CSMD1: variants seen among roughly 807,000 people sequenced by gnomAD.
CSMD1 encodes CUB and Sushi multiple domains 1.
Under a neutral mutation model 417.5 loss-of-function variants are expected in CSMD1, and 213 were observed. That is an observed-to-expected ratio of 0.51 (90% confidence interval 0.46 to 0.57). The LOEUF (loss-of-function observed/expected upper bound fraction) is 0.57. Among genes scored for constraint, CSMD1 ranks in the 20% least tolerant of loss-of-function variants. CSMD1 has a pLI of 0.00. For missense variants in CSMD1, 6,923 were observed against 4,529.7 expected, an observed-to-expected ratio of 1.53 and a Z score of -15.17; for synonymous variants, 2,862 against 1,736.8, an observed-to-expected ratio of 1.65 and a Z score of -16.11.
At chr8:3,869,298 C>T (rs543290153) in intron 5 of CSMD1, among the ~76,000 whole-genome samples, 2 of 152,320 alleles carry the variant, frequency 1.3e-5, no homozygotes, top group South Asian at 2.1e-4. Flanking sequence ...TTCTCCTTCT[C>T]TGCTTCATTT....
intron 3 of CSMD1, among the ~76,000 whole-genome samples, chr8:4,079,233 A>G (rs1046175563): frequency 1.3e-5 from 2 of 152,194 alleles, no homozygotes; most frequent in African/African-American, 4.8e-5. Context: ...AAACAACTGA[A>G]TGAGTAGATA....
intron 1 of CSMD1, among the ~76,000 whole-genome samples, chr8:4,905,232 C>G (rs1168779133): frequency 6.6e-6 from 1 of 152,094 alleles, no homozygotes; most frequent in Admixed American, 6.5e-5. Context: ...GGCATTATCT[C>G]TCCTCCAAGT....
intron 20 of CSMD1, among the ~76,000 whole-genome samples, chr8:3,360,707 T>G (rs971777973): frequency 6.6e-6 from 1 of 152,230 alleles, no homozygotes; most frequent in African/African-American, 2.4e-5. Flanking sequence ...AAAACTATGC[T>G]AATCTTTCTA....
intron 27 of CSMD1, among the ~76,000 whole-genome samples, chr8:3,229,133 C>A (rs535181963): frequency 1.3e-5 from 2 of 152,256 alleles, no homozygotes; most frequent in East Asian, 3.9e-4. Flanking sequence ...CCGCTGTGTA[C>A]ACGACAATAA....
chr8:3,823,357 C>T (rs1361221884), intron 5 of CSMD1, among the ~76,000 whole-genome samples: 3 of 152,064 alleles, frequency 2.0e-5, no homozygotes, highest in African/African-American at 7.2e-5. Flanking sequence ...ATTTTTAATC[C>T]CGGTTGCATT....
intron 5 of CSMD1, among the ~76,000 whole-genome samples, chr8:3,911,858 C>G (rs1808486875): frequency 6.6e-6 from 1 of 152,190 alleles, no homozygotes; most frequent in Non-Finnish European, 1.5e-5. Context: ...GATTCTCCTT[C>G]CCATCTGTGT....
At chr8:3,863,642 G>A (rs934268001) in intron 5 of CSMD1, among the ~76,000 whole-genome samples, 2 of 152,098 alleles carry the variant, frequency 1.3e-5, no homozygotes, top group Non-Finnish European at 2.9e-5. Context: ...GCTACTGTAA[G>A]TTACAAATAT....
intron 26 of CSMD1, among the ~76,000 whole-genome samples, chr8:3,242,201 T>A (rs62504976): frequency 6.6e-6 from 1 of 151,314 alleles, no homozygotes; most frequent in Non-Finnish European, 1.5e-5. Flanking sequence ...AACAGTAAGC[T>A]GGACCAGGTG....
chr8:4,117,821 T>C (rs1267422851), intron 3 of CSMD1, among the ~76,000 whole-genome samples: 2 of 151,938 alleles, frequency 1.3e-5, no homozygotes, highest in Non-Finnish European at 2.9e-5. Flanking sequence ...GGACACCTAG[T>C]TAGAACATCT....
intron 5 of CSMD1, among the ~76,000 whole-genome samples, chr8:3,976,208 G>A (rs1300536058): frequency 2.6e-5 from 4 of 151,524 alleles, no homozygotes; most frequent in Admixed American, 2.6e-4. Flanking sequence ...AATGACATAT[G>A]TACTGGTTTC....
chr8:4,305,949 G>C (rs999159942), intron 3 of CSMD1, among the ~76,000 whole-genome samples: 2 of 152,222 alleles, frequency 1.3e-5, no homozygotes, highest in East Asian at 3.9e-4. Context: ...CTGTATTGCA[G>C]GGTAACTTTC....
At chr8:4,102,044 T>C (rs945958872) in intron 3 of CSMD1, among the ~76,000 whole-genome samples, 1 of 152,202 alleles carries the variant, frequency 6.6e-6, no homozygotes, top group African/African-American at 2.4e-5. Context: ...AAATCCCAAG[T>C]CAGTCTTCTG....
chr8:4,936,885 A>G (rs967509869), intron 1 of CSMD1, among the ~76,000 whole-genome samples: 3 of 152,332 alleles, frequency 2.0e-5, no homozygotes, highest in East Asian at 1.9e-4. Flanking sequence ...TGTTCAAATT[A>G]TTATTTTCTC....
chr8:3,734,119 C>G (rs1211399549), intron 6 of CSMD1, among the ~76,000 whole-genome samples: 2 of 152,132 alleles, frequency 1.3e-5, no homozygotes. Flanking sequence ...TAAATTAATA[C>G]TTAATAAAGA....
intron 2 of CSMD1, among the ~76,000 whole-genome samples, chr8:4,454,126 A>G (rs917244425): frequency 1.3e-5 from 2 of 151,898 alleles, no homozygotes; most frequent in African/African-American, 2.4e-5. Flanking sequence ...CCAGCCTGCA[A>G]TTCATTCTTG....
chr8:3,259,426 G>GAA (rs1800891057), intron 26 of CSMD1, among the ~76,000 whole-genome samples: 2 of 151,398 alleles, frequency 1.3e-5, no homozygotes, highest in Non-Finnish European at 1.5e-5. Context: ...GAATGAATGA[G>GAA]TGAATGAATG....
At chr8:3,427,315 C>T (rs976678960) in intron 12 of CSMD1, among the ~76,000 whole-genome samples, 3 of 152,158 alleles carry the variant, frequency 2.0e-5, no homozygotes, top group South Asian at 4.1e-4. Flanking sequence ...GAAGTGCAAA[C>T]TGAAGTCCTG....
At chr8:2,971,992 T>A (rs564344684) in intron 57 of CSMD1, among the ~76,000 whole-genome samples, 1 of 152,200 alleles carries the variant, frequency 6.6e-6, no homozygotes, top group South Asian at 2.1e-4. Context: ...TATATATACA[T>A]ATATAGTCAA....
intron 1 of CSMD1, among the ~76,000 whole-genome samples, chr8:4,981,721 T>G (rs1056596360): frequency 6.6e-6 from 1 of 152,218 alleles, no homozygotes; most frequent in Admixed American, 6.5e-5. Context: ...CACCTGCTGA[T>G]GTCCGTGCCC....
Sources: gnomAD v4.1 joint callset for allele counts (sites outside exome capture counted in the v4.1 genomes callset) on GRCh38, gnomAD v4.1.1 for gene constraint, MANE v1.5 for transcripts, NCBI Gene and HGNC (gene_info 2026-07-23, HGNC 2026-07-21) for gene names.